The following TTC17 variants were observed in gnomAD, a reference collection of about 807,000 sequenced individuals.
The protein encoded by TTC17 is tetratricopeptide repeat protein 17.
Under a neutral mutation model 143.8 loss-of-function variants are expected in TTC17, and 58 were observed. The observed-to-expected ratio is 0.40, with a 90% CI of 0.33 to 0.50. TTC17 has a LOEUF of 0.50. Among genes scored for constraint, TTC17 ranks in the 20% least tolerant of loss-of-function variants. The pLI is 0.49. For missense variants in TTC17, 1,273 were observed against 1,392.5 expected (o/e 0.91, Z 1.37); for synonymous variants, 501 against 497.8 (o/e 1.01, Z -0.09).
At chr11:43,435,266 A>G (rs1160468691) in intron 16 of TTC17, 4 of 152,232 alleles carry the variant, frequency 2.6e-5, no homozygotes, top group Non-Finnish European at 2.9e-5. Flanking sequence ...TGATTCTCCA[A>G]TGAAAATGCA....
chr11:43,359,043 G>C lies in TTC17; in HGVS notation c.89G>C (p.Ser30Thr), dbSNP rs1420190036. The C allele has an allele frequency of 2.5e-6, 4 of 1,591,626 alleles. No homozygotes were observed. The highest frequency in any genetic ancestry group is 3.4e-6 in the Non-Finnish European group (4 of 1,170,522). Residue 30 changes from serine (S) to threonine (T), a missense_variant, in exon 1 of 24, where the codon AGT becomes ACT. Physicochemically the swap from Ser to Thr is moderately conservative, Grantham distance 58 (BLOSUM62 1). This residue lies in a region of TTC17 where 70 missense variants were observed against 48.5 expected (regional missense o/e 1.44). Transcript: ENST00000039989. ...GWLLSLSALL[S>T]VAARGAFATT... is the part of the protein sequence containing the mutation. ...CTCCTCAGCCTTTCCGCCTTGCTGAGTGTGGCGGCACGAGGGGCCTTCGCC... is the reference window on the plus strand; with the variant it reads ...CTCCTCAGCCTTTCCGCCTTGCTGACTGTGGCGGCACGAGGGGCCTTCGCC...
At chr11:43,447,140 A>G (rs900101471) in intron 18 of TTC17, among the ~76,000 whole-genome samples, 2 of 152,206 alleles carry the variant, frequency 1.3e-5, no homozygotes, top group African/African-American at 4.8e-5. Context: ...AGCTAGTATC[A>G]TGCCACGGCA....
chr11:43,408,988 C>T (rs886467095), intron 15 of TTC17, among the ~76,000 whole-genome samples: 1 of 152,084 alleles, frequency 6.6e-6, no homozygotes. Flanking sequence ...AGCAATCCTC[C>T]CATCTCAGCC....
Position 43,397,492 on chromosome 11 carries a change from G to GT in TTC17, c.918+2dup. The GT allele has an allele frequency of 1.2e-6, 2 of 1,600,672 alleles. No homozygotes were observed. The highest frequency in any genetic ancestry group is 1.7e-6 in the Non-Finnish European group (2 of 1,173,850). Reference sequence around the variant, plus strand: ...TTACACTTTGGGGAATATATATGCAGTAAGTACTACTCTTTGTTTCATGAG... The same window carrying GT: ...TTACACTTTGGGGAATATATATGCAGTTAAGTACTACTCTTTGTTTCATGAG... On this transcript the variant is annotated splice_donor_variant, in intron 7 of 23. Transcript: ENST00000039989. LOFTEE classifies it high-confidence loss of function.
In TTC17 at chr11:43,400,103, G is replaced by A. The variant is rs976313750; in HGVS notation, c.1219+55G>A. ...AGGTTAGGAAATTCACTTTTAGCAT[G>A]CTTTACTATCATAACTTTCTTGTAG... On this transcript the variant is annotated intron_variant, in intron 9 of 23. Transcript: ENST00000039989. 1.0e-4 allele frequency: 162 copies of A among 1,554,384 alleles called. No individual in the cohort carries two copies. The South Asian group carries it at 1.3e-3, about 12-fold the overall frequency.
At chr11:43,383,816 T>A (rs964917865) in intron 2 of TTC17, among the ~76,000 whole-genome samples, 3 of 152,070 alleles carry the variant, frequency 2.0e-5, no homozygotes, top group South Asian at 2.1e-4. Context: ...CAAAACATAC[T>A]GAAATATTTA....
Position 43,486,378 on chromosome 11 carries a change from ATAG to A in TTC17, c.3031-3857_3031-3855del, listed in dbSNP as rs141260605. 2.7e-3 allele frequency: 1,228 copies of A among 446,744 alleles called. 15 individuals carry two copies. Among genetic ancestry groups the A allele is most frequent in the African/African-American group, 0.022 (1,117 of 50,064 alleles). 27.7% of individuals were successfully genotyped at this position (446,744 alleles called of 1,614,324 possible). A position where few individuals can be genotyped will look rare whatever the true frequency, so the allele number is the denominator to read the frequency against. On this transcript the variant is annotated intron_variant, in intron 21 of 23. Coordinates refer to ENST00000039989, the MANE Select transcript of TTC17 (RefSeq NM_018259.6). ...CCTGTCATTATCAGATTGAAAAAAAATAGTAGATGTAAAACTGGATGCTATCCA... is the reference window on the plus strand; with the variant it reads ...CCTGTCATTATCAGATTGAAAAAAAATAGATGTAAAACTGGATGCTATCCA...
At chr11:43,387,633 C>T (rs1857218165) in intron 2 of TTC17, among the ~76,000 whole-genome samples, 1 of 152,188 alleles carries the variant, frequency 6.6e-6, no homozygotes, top group Non-Finnish European at 1.5e-5. Flanking sequence ...GCCGACAGAG[C>T]AGCCTCTGTC....
rs1384512018 is a variant in TTC17, at chr11:43,434,167, GGACACACACACACACACACACACA to G, written c.2252-9157_2252-9134del. Among the ~76,000 whole-genome samples the G allele has an allele frequency of 1.1e-4, 14 of 124,560 alleles. No homozygotes were observed. The Admixed American group carries it at 1.2e-3, about 10-fold the overall frequency. The allele number at this position is 124,560 out of a possible 152,430, so 81.7% of individuals were successfully genotyped here. Reference sequence around the variant, plus strand: ...TTTCCCATTAGCCCTCCATGGGCGGGGACACACACACACACACACACACACACACACACACACACACACACACAC... The same window carrying G: ...TTTCCCATTAGCCCTCCATGGGCGGGCACACACACACACACACACACACAC... On this transcript the variant is annotated intron_variant, in intron 16 of 23. Coordinates refer to ENST00000039989, the MANE Select transcript of TTC17 (RefSeq NM_018259.6).
intron 16 of TTC17, among the ~76,000 whole-genome samples, chr11:43,422,520 C>T (rs150228192): frequency 1.3e-5 from 2 of 152,048 alleles, no homozygotes; most frequent in Non-Finnish European, 2.9e-5. Flanking sequence ...AAATCAGTTA[C>T]TAGGGTATTC....
chr11:43,394,768 A>T (rs1590348714), intron 5 of TTC17, among the ~76,000 whole-genome samples: 1 of 152,244 alleles, frequency 6.6e-6, no homozygotes, highest in East Asian at 1.9e-4. Context: ...ATGGAACTGG[A>T]TGAAGTCATC....
Position 43,446,749 on chromosome 11 carries a change from A to G in TTC17, c.2666-1253A>G, listed in dbSNP as rs1327858152. 3 of 877,648 alleles carry G rather than the reference A, an allele frequency of 3.4e-6. No individual in the cohort carries two copies. In the African/African-American group the frequency reaches 5.4e-5, roughly 16 times the overall value. The allele number at this position is 877,648 out of a possible 1,614,324, so 54.4% of individuals were successfully genotyped here. A position where few individuals can be genotyped will look rare whatever the true frequency, so the allele number is the denominator to read the frequency against. On this transcript the variant is annotated intron_variant, in intron 18 of 23. Coordinates refer to ENST00000039989, the MANE Select transcript of TTC17 (RefSeq NM_018259.6). ...AGTTCTCCTTCCTGCCTATTCCATT[A>G]TAACTCCTTCAGAAAACCCTTCCCA...
At chr11:43,394,284 G>GATTTT (rs1857498975) in intron 5 of TTC17, among the ~76,000 whole-genome samples, 2 of 152,232 alleles carry the variant, frequency 1.3e-5, no homozygotes, top group South Asian at 4.1e-4. Flanking sequence ...CCAGGGTAAG[G>GATTTT]ATTTTGGATT....
At chr11:43,402,028 T>C (rs1019604341) in intron 10 of TTC17, among the ~76,000 whole-genome samples, 1 of 133,074 alleles carries the variant, frequency 7.5e-6, no homozygotes, top group Admixed American at 7.7e-5. Flanking sequence ...AATAAATAAA[T>C]AAAGAGCGAG....
intron 8 of TTC17, among the ~76,000 whole-genome samples, chr11:43,398,603 G>A (rs544568914): frequency 1.3e-5 from 2 of 152,182 alleles, no homozygotes; most frequent in African/African-American, 4.8e-5. Flanking sequence ...TTTGGCCCAC[G>A]TTTTAATCAT....
chr11:43,483,485 G>A (rs571389493), intron 21 of TTC17, among the ~76,000 whole-genome samples: 1 of 152,184 alleles, frequency 6.6e-6, no homozygotes, highest in African/African-American at 2.4e-5. Flanking sequence ...AATGTTAACA[G>A]ACTGAATCCA....
chr11:43,407,040 C>T (rs1042913074), intron 13 of TTC17, 98 bp from the exon 14 acceptor site: 30 of 769,626 alleles, frequency 3.9e-5, no homozygotes, highest in Non-Finnish European at 5.9e-5. Context: ...ATTAGCTGTT[C>T]CTGAGGAGCT....
chr11:43,379,526 G>A (rs1487072196), intron 2 of TTC17, among the ~76,000 whole-genome samples: 1 of 151,984 alleles, frequency 6.6e-6, no homozygotes, highest in Non-Finnish European at 1.5e-5. Flanking sequence ...GTAGTAGTAA[G>A]AAAAACAGAC....
chr11:43,385,321 T>C (rs1857128972), intron 2 of TTC17, among the ~76,000 whole-genome samples: 1 of 152,132 alleles, frequency 6.6e-6, no homozygotes, highest in Non-Finnish European at 1.5e-5. Flanking sequence ...TGCCAGGATA[T>C]AAAGGAAATA....
Sources: gnomAD v4.1 joint callset for allele counts (sites outside exome capture counted in the v4.1 genomes callset) on GRCh38, gnomAD v4.1.1 for gene constraint, gnomAD v4.1.1 regional missense constraint, MANE v1.5 for transcripts, NCBI Gene and HGNC (gene_info 2026-07-23, HGNC 2026-07-21) for gene names.